CDK12: variants seen among roughly 807,000 people sequenced by gnomAD.
CDK12 encodes cyclin-dependent kinase 12.
CDK12 carries 17 observed loss-of-function variants against 133.8 expected under a neutral mutation model. The ratio of observed to expected loss-of-function variants is 0.13; its 90% CI spans 0.09 to 0.19. The LOEUF (loss-of-function observed/expected upper bound fraction) is 0.19, where lower values mean the gene tolerates loss of function less well. Among genes scored for constraint, CDK12 ranks in the 10% least tolerant of loss-of-function variants. The probability of loss-of-function intolerance (pLI) is 1.00; values close to 1 mark genes in which losing one functional copy is unlikely to be tolerated. For synonymous variants in CDK12, 694 were observed against 683.6 expected (o/e 1.02, Z -0.24); for missense variants, 1,508 against 1,818.7 (o/e 0.83, Z 3.11).
In CDK12 at chr17:39,485,449, C is replaced by G. The variant is rs926387222; in HGVS notation, c.1932-5108C>G. 2.9e-4 allele frequency among the ~76,000 whole-genome samples: 36 copies of G among 123,806 alleles called. No individual in the cohort carries two copies. The East Asian group carries it at 3.7e-3, about 13-fold the overall frequency. 81.2% of individuals were successfully genotyped at this position (123,806 alleles called of 152,430 possible). A position where few individuals can be genotyped will look rare whatever the true frequency, so the allele number is the denominator to read the frequency against. The stretch of plus-strand genomic sequence containing the variant: ...TTTTTTTGGGAAACAGAGTCTCACT[C>G]TGTCGCCAGGCTGGAGTGCAGTGGC... On this transcript the variant is annotated intron_variant, in intron 2 of 13. Transcript: ENST00000447079.
At chr17:39,479,086 A>C (rs1437015766) in intron 2 of CDK12, among the ~76,000 whole-genome samples, 3 of 152,042 alleles carry the variant, frequency 2.0e-5, no homozygotes, top group African/African-American at 7.2e-5. Flanking sequence ...AGGCGGGCAG[A>C]TCACGAGGTC....
At chr17:39,475,908 A>G (rs996701576) in intron 2 of CDK12, among the ~76,000 whole-genome samples, 3 of 152,116 alleles carry the variant, frequency 2.0e-5, no homozygotes, top group South Asian at 2.1e-4. Context: ...GATAAAAGCC[A>G]TAGATAAAAA....
chr17:39,481,614 T>G (rs550504783), intron 2 of CDK12, among the ~76,000 whole-genome samples: 1 of 139,276 alleles, frequency 7.2e-6, no homozygotes, highest in African/African-American at 2.7e-5. Context: ...CCAGCACTTA[T>G]GTGCTTGCTC....
At position 39,532,087 on chromosome 17, in the gene CDK12, GCTCTCTCTCTCTCTTTCTCT is replaced by G. The variant is rs891645956; in HGVS notation, c.*786_*805del. 1.0e-5 allele frequency: 2 copies of G among 196,294 alleles called. No homozygotes were observed. Among genetic ancestry groups the G allele is most frequent in the Admixed American group, 1.4e-4 (2 of 14,154 alleles). The allele number at this position is 196,294 out of a possible 1,614,324, so 12.2% of individuals were successfully genotyped here. A position where few individuals can be genotyped will look rare whatever the true frequency, so the allele number is the denominator to read the frequency against. ...TCTCTTTCCTTTTTTGCTGATGTGT[GCTCTCTCTCTCTCTTTCTCT>G]CTCTCTCTCTCTCTCTCTCTCTCTC... is the stretch of plus-strand genomic sequence containing the variant. On this transcript the variant is annotated 3_prime_UTR_variant, in exon 14 of 14. Transcript: ENST00000447079.
At chr17:39,520,568 T>G (rs2146587212) in intron 11 of CDK12, among the ~76,000 whole-genome samples, 1 of 152,072 alleles carries the variant, frequency 6.6e-6, no homozygotes, top group Admixed American at 6.5e-5. Context: ...TTTTTGTATT[T>G]TTAGTAGAGA....
At chr17:39,517,322 A>C (rs2053875649) in intron 9 of CDK12, 118 bp from the exon 10 acceptor site, 1 of 674,596 alleles carries the variant, frequency 1.5e-6, no homozygotes, top group African/African-American at 1.8e-5. Context: ...ATGCCCTGTA[A>C]TGTAATAACC....
In CDK12 at chr17:39,462,169, G is replaced by C; in HGVS notation, c.98G>C (p.Arg33Thr). The change falls in exon 1 of 14, where the codon AGA becomes ACA. Residue 33 changes from arginine to threonine, a missense_variant. By Grantham distance (71) the Arg-to-Thr change is moderately conservative. Coordinates refer to ENST00000447079, the MANE Select transcript of CDK12 (RefSeq NM_016507.4). ...TCGGGAGGCGGCAGCTCTAACAGCA[G>C]AGAGCGTCACCGCTTGGTATCGAAG... ...PSSGGGSSNSRERHRLVSKHK... is the reference protein window; with the variant it reads ...PSSGGGSSNSTERHRLVSKHK... 6.2e-7 allele frequency: 1 copy of C among 1,614,236 alleles called. No homozygotes were observed. Among genetic ancestry groups the C allele is most frequent in the Non-Finnish European group, 8.5e-7 (1 of 1,180,034 alleles).
In CDK12 at chr17:39,519,942, G is replaced by C; in HGVS notation, c.2964-14G>C. 1.2e-6 allele frequency: 2 copies of C among 1,613,464 alleles called. No homozygotes were observed. The highest frequency in any genetic ancestry group is 1.7e-4 in the Middle Eastern group (1 of 6,042). ...GTCATTGTGAACTTGTCCTTTCTGT[G>C]TTCTTTTCCATAGCATTCCTTCTGC... On this transcript the variant is annotated splice_polypyrimidine_tract_variant and intron_variant, in intron 10 of 13. Coordinates refer to ENST00000447079, the MANE Select transcript of CDK12 (RefSeq NM_016507.4).
chr17:39,507,119 A>T (rs1598102241), intron 6 of CDK12, among the ~76,000 whole-genome samples: 1 of 149,488 alleles, frequency 6.7e-6, no homozygotes. Context: ...CTGGTCTCAA[A>T]CTCCTGACTT....
At chr17:39,481,967 G>A (rs1398971851) in intron 2 of CDK12, among the ~76,000 whole-genome samples, 1 of 145,962 alleles carries the variant, frequency 6.9e-6, no homozygotes, top group African/African-American at 2.5e-5. Flanking sequence ...TGATCTGCCC[G>A]CCTCGGCCTC....
At position 39,519,981 on chromosome 17, in the gene CDK12, T is replaced by C. The variant is rs1369110447; in HGVS notation, c.2989T>C (p.Leu997=). 1.9e-5 allele frequency: 31 copies of C among 1,614,076 alleles called. No homozygotes were observed. The highest frequency in any genetic ancestry group is 2.6e-5 in the Non-Finnish European group (31 of 1,179,980). ...SFIPSAALDL[L]DHMLTLDPSK... ...CATTCCTTCTGCAGCACTTGATTTA[T>C]TGGACCACATGCTGACACTAGATCC... The change falls in exon 11 of 14, where the codon TTG becomes CTG. Residue 997 remains leucine (L), a synonymous_variant. Coordinates refer to ENST00000447079, the MANE Select transcript of CDK12 (RefSeq NM_016507.4).
intron 2 of CDK12, among the ~76,000 whole-genome samples, chr17:39,481,331 T>C (rs77882813): frequency 0.033 from 4,757 of 146,148 alleles, 133 homozygotes; most frequent in African/African-American, 0.07. Flanking sequence ...TTCTTTCTCT[T>C]TTTTTTTTTT....
At chr17:39,520,674 A>T (rs535904490) in intron 11 of CDK12, among the ~76,000 whole-genome samples, 1 of 147,736 alleles carries the variant, frequency 6.8e-6, no homozygotes, top group East Asian at 2.1e-4. Context: ...GGCGTAAGCC[A>T]CTGCGTCCAG....
chr17:39,535,212 A>G (rs2055078540), downstream of CDK12: 2 of 152,216 alleles, frequency 1.3e-5, no homozygotes, highest in Non-Finnish European at 2.9e-5. Flanking sequence ...GCTAGTTATG[A>G]CAAATGGGCA....
Position 39,524,825 on chromosome 17 carries a change from A to T in CDK12, c.3247A>T (p.Ser1083Cys). ...GTSTEPVKNS[S>C]PAPPQPAPGK... ...AAGTACTGAGCCTGTGAAGAACAGC[A>T]GCCCAGCACCACCTCAGCCTGCTCC... The change falls in exon 12 of 14, where the codon AGC (serine) becomes TGC (cysteine). Residue 1083 changes from serine (S) to cysteine (C), a missense_variant. By Grantham distance (112) the Ser-to-Cys change is moderately radical. Transcript: ENST00000447079. The T allele has an allele frequency of 6.2e-7, 1 of 1,614,258 alleles. No individual in the cohort carries two copies. Among genetic ancestry groups the T allele is most frequent in the Admixed American group, 1.7e-5 (1 of 60,024 alleles).
chr17:39,467,553 C>G (rs1468115122), intron 1 of CDK12, among the ~76,000 whole-genome samples: 1 of 152,120 alleles, frequency 6.6e-6, no homozygotes, highest in Non-Finnish European at 1.5e-5. Context: ...AAGTATATGG[C>G]CATCCAAATC....
At chr17:39,472,219 A>T (rs962643644) in intron 2 of CDK12, among the ~76,000 whole-genome samples, 1 of 151,958 alleles carries the variant, frequency 6.6e-6, no homozygotes, top group African/African-American at 2.4e-5. Context: ...CCTGACCTCA[A>T]GTGATTTTCC....
chr17:39,502,598 G>T (rs972743754), intron 6 of CDK12, among the ~76,000 whole-genome samples: 1 of 152,182 alleles, frequency 6.6e-6, no homozygotes, highest in South Asian at 2.1e-4. Context: ...CACATGCGAC[G>T]ATTGAACACT....
chr17:39,515,696 TTTCTC>T, intron 8 of CDK12, 30 bp from the exon 9 acceptor site: 2 of 1,439,256 alleles, frequency 1.4e-6, no homozygotes, highest in Non-Finnish European at 9.7e-7. Context: ...GCTCTAAGAA[TTTCTC>T]TTCTGACCTC....
Sources: gnomAD v4.1 joint callset for allele counts (sites outside exome capture counted in the v4.1 genomes callset) on GRCh38, gnomAD v4.1.1 for gene constraint, MANE v1.5 for transcripts, NCBI Gene and HGNC (gene_info 2026-07-23, HGNC 2026-07-21) for gene names.